Variants in CEP95 observed in about 807,000 individuals in gnomAD.
CEP95 encodes the protein centrosomal protein 95, also known as centrosomal protein of 95 kDa.
In CEP95, 98 loss-of-function variants were observed where a neutral mutation model predicts 111.2. The ratio of observed to expected loss-of-function variants is 0.88; its 90% CI spans 0.75 to 1.04. The LOEUF (loss-of-function observed/expected upper bound fraction) is 1.04. Ranked by LOEUF, CEP95 falls within the 50% of genes least tolerant of loss-of-function variation. The pLI is 0.00. For missense variants in CEP95, 1,027 were observed against 977.2 expected, an observed-to-expected ratio of 1.05 and a Z score of -0.68; for synonymous variants, 323 against 327.1, an observed-to-expected ratio of 0.99 and a Z score of 0.14.
chr17:64,522,836 C>A lies in CEP95; in HGVS notation c.850C>A (p.His284Asn), dbSNP rs782018529. 2 of 1,613,568 alleles carry A rather than the reference C, an allele frequency of 1.2e-6. No individual in the cohort carries two copies. Among genetic ancestry groups the A allele is most frequent in the Non-Finnish European group, 1.7e-6 (2 of 1,179,808 alleles). The part of the protein sequence containing the change: ...APCPIGKEYL[H>N]SSHCSPAVNS... ...CTGCCCCATAGGAAAAGAATACTTG[C>A]ATTCAAGTCACTGCTCCCCAGCCGT... The change falls in exon 8 of 20, where the codon CAT becomes AAT. Residue 284 changes from histidine to asparagine, a missense_variant. Coordinates refer to ENST00000556440, the MANE Select transcript of CEP95 (RefSeq NM_138363.3).
At position 64,507,129 on chromosome 17, in the gene CEP95, C is replaced by A; in HGVS notation, c.19+13C>A. Reference sequence around the variant, plus strand: ...GGCTCGGATGCTGGTGAGTGTCTCCCTGGGGTCCCAGTATGTGTGGACTGA... The same window carrying A: ...GGCTCGGATGCTGGTGAGTGTCTCCATGGGGTCCCAGTATGTGTGGACTGA... On this transcript the variant is annotated intron_variant, in intron 1 of 19. Transcript: ENST00000556440. 1 of 1,551,500 alleles carries A rather than the reference C, an allele frequency of 6.4e-7. No individual in the cohort carries two copies. Among genetic ancestry groups the A allele is most frequent in the Non-Finnish European group, 8.7e-7 (1 of 1,146,960 alleles).
chr17:64,521,799 A>G (rs62073206), intron 7 of CEP95, among the ~76,000 whole-genome samples: 123 of 151,884 alleles, frequency 8.1e-4, no homozygotes, highest in Non-Finnish European at 1.4e-3. Flanking sequence ...ACATTAGTAC[A>G]TCTATTGGTG....
chr17:64,517,440 A>G (rs782609578), intron 5 of CEP95, among the ~76,000 whole-genome samples: 3 of 152,194 alleles, frequency 2.0e-5, no homozygotes, highest in Non-Finnish European at 4.4e-5. Context: ...TCCGAACTAA[A>G]TAACTGCTGT....
chr17:64,523,109 G>GT (rs1555678387), intron 8 of CEP95, among the ~76,000 whole-genome samples: 1 of 152,130 alleles, frequency 6.6e-6, no homozygotes, highest in African/African-American at 2.4e-5. Context: ...ATTTGCCTCT[G>GT]TATACACCTG....
intron 4 of CEP95, 59 bp from the exon 5 acceptor site, chr17:64,516,664 T>C (rs1311188616): frequency 3.9e-6 from 4 of 1,033,116 alleles, no homozygotes; most frequent in Admixed American, 2.1e-5. Context: ...GCCTCTTACA[T>C]AGAAAAAGTA....
Position 64,514,256 on chromosome 17 carries a change from A to G in CEP95, c.265A>G (p.Ile89Val), listed in dbSNP as rs782792266. The change falls in exon 4 of 20, where the codon ATA (isoleucine) becomes GTA (valine). Residue 89 changes from isoleucine (I) to valine (V), a missense_variant. Ile to Val is a conservative substitution (Grantham distance 29, BLOSUM62 3). Transcript: ENST00000556440. ...VSLSHITGENIVKGDKESIKN... is the reference protein window; with the variant it reads ...VSLSHITGENVVKGDKESIKN... ...CTATATTCTGTCTCCAGGAGAAAAT[A>G]TAGTGAAAGGAGATAAAGAATCTAT... 7.5e-6 allele frequency: 10 copies of G among 1,334,956 alleles called. No individual in the cohort carries two copies. Among genetic ancestry groups the G allele is most frequent in the Non-Finnish European group, 1.1e-5 (10 of 951,334 alleles). 82.7% of individuals were successfully genotyped at this position (1,334,956 alleles called of 1,614,324 possible). A position where few individuals can be genotyped will look rare whatever the true frequency, so the allele number is the denominator to read the frequency against.
chr17:64,522,278 TC>T (rs1258651995), intron 7 of CEP95, among the ~76,000 whole-genome samples: 1 of 152,196 alleles, frequency 6.6e-6, no homozygotes, highest in Non-Finnish European at 1.5e-5. Flanking sequence ...ATAACATTCT[TC>T]AAGCCATTTA....
At chr17:64,506,774 C>G, upstream of CEP95, 3 of 524,446 alleles carry the variant, frequency 5.7e-6, no homozygotes, top group Non-Finnish European at 1.0e-5. Context: ...GCTGCTCGCA[C>G]CCCGGGACCC....
chr17:64,508,847 G>A (rs2038733344), intron 2 of CEP95, 127 bp downstream of exon 2: 1 of 241,818 alleles, frequency 4.1e-6, no homozygotes, highest in Non-Finnish European at 7.7e-6. Context: ...TTTTAATATT[G>A]CATATTAAAT....
At chr17:64,530,805 C>T in intron 12 of CEP95, 121 bp from the exon 13 acceptor site, 1 of 553,060 alleles carries the variant, frequency 1.8e-6, no homozygotes, top group African/African-American at 1.9e-5. Flanking sequence ...GGTTGAGGCA[C>T]CATTGGAATT....
chr17:64,519,295 C>A, intron 5 of CEP95, 26 bp from the exon 6 acceptor site: 1 of 1,560,430 alleles, frequency 6.4e-7, no homozygotes, highest in East Asian at 2.2e-5. Context: ...AGGCTGGGCC[C>A]TGAGTGAAGG....
At chr17:64,536,793 C>G (rs1555681658) in intron 18 of CEP95, 45 bp downstream of exon 18, 1 of 1,559,994 alleles carries the variant, frequency 6.4e-7, no homozygotes, top group South Asian at 1.2e-5. Context: ...TAGTCCTGAC[C>G]ACTTGCCCTT....
intron 19 of CEP95, 104 bp from the exon 20 acceptor site, chr17:64,537,499 A>C: frequency 1.4e-6 from 2 of 1,442,834 alleles, no homozygotes; most frequent in Non-Finnish European, 1.8e-6. Flanking sequence ...TAGATTATTG[A>C]AAATTTTGGA....
intron 3 of CEP95, among the ~76,000 whole-genome samples, chr17:64,513,905 A>G (rs572775273): frequency 1.4e-4 from 21 of 152,288 alleles, no homozygotes; most frequent in African/African-American, 4.8e-4. Context: ...TTTAGCTGCA[A>G]TATATTTTGG....
At position 64,537,795 on chromosome 17, in the gene CEP95, T is replaced by C; in HGVS notation, c.*16T>C. 6.5e-7 allele frequency: 1 copy of C among 1,532,908 alleles called. No homozygotes were observed. Among genetic ancestry groups the C allele is most frequent in the Non-Finnish European group, 8.8e-7 (1 of 1,132,646 alleles). The allele number at this position is 1,532,908 out of a possible 1,614,324, so 95.0% of individuals were successfully genotyped here. A position where few individuals can be genotyped will look rare whatever the true frequency, so the allele number is the denominator to read the frequency against. On this transcript the variant is annotated 3_prime_UTR_variant, in exon 20 of 20. Coordinates refer to ENST00000556440, the MANE Select transcript of CEP95 (RefSeq NM_138363.3). ...CTCCCTATGAGGCCAGACTTGATAA[T>C]AGTAGGTGAAGGTTCTGGAGGCCTT...
chr17:64,521,540 G>T lies in CEP95; in HGVS notation c.715+13G>T. Reference sequence around the variant, plus strand: ...TTTGTTGAAGACAGTGAGTTGTAATGGATGTTAGTTCTTTACTGCTGATGA... The same window carrying T: ...TTTGTTGAAGACAGTGAGTTGTAATTGATGTTAGTTCTTTACTGCTGATGA... On this transcript the variant is annotated intron_variant, in intron 7 of 19. Coordinates refer to ENST00000556440, the MANE Select transcript of CEP95 (RefSeq NM_138363.3). 6.2e-7 allele frequency: 1 copy of T among 1,605,890 alleles called. No individual in the cohort carries two copies. Among genetic ancestry groups the T allele is most frequent in the South Asian group, 1.1e-5 (1 of 89,132 alleles).
chr17:64,518,771 C>T (rs1423331394), intron 5 of CEP95, among the ~76,000 whole-genome samples: 1 of 152,020 alleles, frequency 6.6e-6, no homozygotes, highest in South Asian at 2.1e-4. Context: ...ACCTCTGCCT[C>T]CCAGGTTCAA....
intron 1 of CEP95, 22 bp downstream of exon 1, chr17:64,507,138 C>A: frequency 6.4e-7 from 1 of 1,551,466 alleles, no homozygotes; most frequent in Non-Finnish European, 8.7e-7. Context: ...CCTGGGGTCC[C>A]AGTATGTGTG....
chr17:64,513,425 A>G (rs1471548563), intron 3 of CEP95, among the ~76,000 whole-genome samples: 3 of 152,208 alleles, frequency 2.0e-5, no homozygotes, highest in Non-Finnish European at 2.9e-5. Flanking sequence ...TCAAGTTTCC[A>G]TGCTTTTTGC....
Sources: gnomAD v4.1 joint callset for allele counts (sites outside exome capture counted in the v4.1 genomes callset) on GRCh38, gnomAD v4.1.1 for gene constraint, MANE v1.5 for transcripts, NCBI Gene and HGNC (gene_info 2026-07-23, HGNC 2026-07-21) for gene names.